The following ABTB2 variants were observed in gnomAD, a reference collection of about 807,000 sequenced individuals.
ABTB2 encodes ankyrin repeat and BTB/POZ domain-containing protein 2.
Under a neutral mutation model 104.1 loss-of-function variants are expected in ABTB2, and 56 were observed. The ratio of observed to expected loss-of-function variants is 0.54; its 90% CI spans 0.43 to 0.67. The LOEUF is 0.67. ABTB2 is among the 30% of genes least tolerant of loss of function. ABTB2 has a pLI of 0.00. For missense variants in ABTB2, 1,279 were observed against 1,407.7 expected, an observed-to-expected ratio of 0.91 and a Z score of 1.46; for synonymous variants, 606 against 608.2, an observed-to-expected ratio of 1.00 and a Z score of 0.05.
intron 4 of ABTB2, 30 bp downstream of exon 4, chr11:34,173,125 C>T: frequency 6.2e-7 from 1 of 1,612,738 alleles, no homozygotes; most frequent in Non-Finnish European, 8.5e-7. Flanking sequence ...GTCATGGATG[C>T]CGGGGCCCTC....
chr11:34,198,456 A>C (rs1388268269), intron 2 of ABTB2, among the ~76,000 whole-genome samples: 2 of 142,074 alleles, frequency 1.4e-5, no homozygotes, highest in African/African-American at 2.7e-5. Context: ...AACAACAACA[A>C]AAAAAAACAA....
chr11:34,318,660 G>A (rs553608629), intron 1 of ABTB2, among the ~76,000 whole-genome samples: 1 of 152,252 alleles, frequency 6.6e-6, no homozygotes, highest in Non-Finnish European at 1.5e-5. Flanking sequence ...GAAAGAAGGT[G>A]GTTTTACTAG....
intron 1 of ABTB2, among the ~76,000 whole-genome samples, chr11:34,209,354 T>A (rs1435754338): frequency 6.9e-6 from 1 of 144,224 alleles, no homozygotes; most frequent in East Asian, 2.0e-4. Context: ...AAAAAAAACT[T>A]TTTTTTTCCC....
At chr11:34,306,269 A>T (rs1252897463) in intron 1 of ABTB2, among the ~76,000 whole-genome samples, 4 of 84,842 alleles carry the variant, frequency 4.7e-5, no homozygotes, top group Non-Finnish European at 8.2e-5. Context: ...TTTTTTTGAG[A>T]CGGAGTCTTC....
At chr11:34,158,641 C>T (rs1019044282) in intron 14 of ABTB2, among the ~76,000 whole-genome samples, 1 of 152,150 alleles carries the variant, frequency 6.6e-6, no homozygotes, top group Admixed American at 6.5e-5. Context: ...TAGAAAGCTC[C>T]TCTCAGTGGG....
At chr11:34,267,743 C>T (rs1854267941) in intron 1 of ABTB2, among the ~76,000 whole-genome samples, 1 of 152,128 alleles carries the variant, frequency 6.6e-6, no homozygotes, top group Non-Finnish European at 1.5e-5. Flanking sequence ...TGTTCTTATG[C>T]TTTCCAGGAG....
intron 1 of ABTB2, among the ~76,000 whole-genome samples, chr11:34,322,130 G>A (rs1378321930): frequency 2.0e-5 from 3 of 152,176 alleles, no homozygotes; most frequent in African/African-American, 7.2e-5. Context: ...TGGCCAGAAA[G>A]GCACGCAAAA....
At chr11:34,342,223 G>T (rs1216585921) in intron 1 of ABTB2, among the ~76,000 whole-genome samples, 1 of 152,186 alleles carries the variant, frequency 6.6e-6, no homozygotes, top group African/African-American at 2.4e-5. Flanking sequence ...GCTTCATACG[G>T]TATTATCTTT....
Position 34,165,314 on chromosome 11 carries a change from T to G in ABTB2, c.1798A>C (p.Asn600His). The change falls in exon 8 of 17, where the codon AAC becomes CAC. Residue 600 changes from asparagine (N) to histidine (H), a missense_variant. Asn to His is a moderately conservative substitution (Grantham distance 68). Coordinates refer to ENST00000435224, the MANE Select transcript of ABTB2 (RefSeq NM_145804.3). ...TCCGCATAGCTGTCCTCGCCGCCGTTCACTGCCGAGCCCTCGACATGGGCA... is the reference window on the plus strand; with the variant it reads ...TCCGCATAGCTGTCCTCGCCGCCGTGCACTGCCGAGCCCTCGACATGGGCA... ...AGAHVEGSAV[N>H]GGEDSYAETP... is the part of the protein sequence containing the mutation. 6.3e-7 allele frequency: 1 copy of G among 1,582,786 alleles called. No homozygotes were observed.
chr11:34,284,284 C>T (rs1212468555), intron 1 of ABTB2, among the ~76,000 whole-genome samples: 1 of 152,348 alleles, frequency 6.6e-6, no homozygotes, highest in East Asian at 1.9e-4. Context: ...CCTTTAGCTT[C>T]TCAGGCCACT....
At chr11:34,345,052 C>T (rs1272336064) in intron 1 of ABTB2, among the ~76,000 whole-genome samples, 1 of 152,226 alleles carries the variant, frequency 6.6e-6, no homozygotes, top group Non-Finnish European at 1.5e-5. Flanking sequence ...CAATTTCCAA[C>T]ACAATAGAGA....
Position 34,152,500 on chromosome 11 carries a change from G to A in ABTB2, c.2965C>T (p.Arg989Trp), listed in dbSNP as rs199813409. ...CTGCTGCGGCCGTAGATGAGCTGCC[G>A]GAAGGCATCCTGCTCCAGTAGGGCC... is the stretch of plus-strand genomic sequence containing the variant. The part of the protein sequence containing the change: ...MKALLEQDAF[R>W]QLIYGRSSKV... Residue 989 changes from arginine to tryptophan, a missense_variant, in exon 17 of 17, where the codon CGG (arginine) becomes TGG (tryptophan). Coordinates refer to ENST00000435224, the MANE Select transcript of ABTB2 (RefSeq NM_145804.3). 187 of 1,610,008 alleles carry A rather than the reference G, an allele frequency of 1.2e-4. No homozygotes were observed. Among genetic ancestry groups the A allele is most frequent in the South Asian group, 2.8e-4 (25 of 90,106 alleles).
intron 1 of ABTB2, among the ~76,000 whole-genome samples, chr11:34,260,245 C>T (rs1212612804): frequency 6.6e-6 from 1 of 152,160 alleles, no homozygotes; most frequent in Non-Finnish European, 1.5e-5. Flanking sequence ...CCATGAAATC[C>T]CCAAGGGCCC....
intron 1 of ABTB2, among the ~76,000 whole-genome samples, chr11:34,286,766 G>A (rs2133090258): frequency 6.6e-6 from 1 of 152,242 alleles, no homozygotes; most frequent in East Asian, 1.9e-4. Context: ...AAGCCTTTTA[G>A]CTAGGACTCT....
At chr11:34,345,540 C>T (rs547704690) in intron 1 of ABTB2, among the ~76,000 whole-genome samples, 22 of 152,270 alleles carry the variant, frequency 1.4e-4, no homozygotes, top group African/African-American at 3.8e-4. Flanking sequence ...TCCCCACCCC[C>T]GCCATCATCA....
intron 1 of ABTB2, among the ~76,000 whole-genome samples, chr11:34,300,003 C>T (rs1474966404): frequency 6.6e-6 from 1 of 152,178 alleles, no homozygotes. Flanking sequence ...TAGCACAGTG[C>T]CTGGCACAGA....
intron 1 of ABTB2, among the ~76,000 whole-genome samples, chr11:34,277,101 C>A (rs968539827): frequency 2.6e-5 from 4 of 152,138 alleles, no homozygotes; most frequent in African/African-American, 9.7e-5. Context: ...AGGGTTTCAC[C>A]ATGTTGGCCA....
At chr11:34,265,352 C>G (rs144091661) in intron 1 of ABTB2, among the ~76,000 whole-genome samples, 2 of 152,320 alleles carry the variant, frequency 1.3e-5, no homozygotes, top group East Asian at 3.9e-4. Context: ...AGCCCAAGAG[C>G]TGATGCTCTT....
At chr11:34,167,391 C>T (rs1340452696) in intron 6 of ABTB2, 31 bp from the exon 7 acceptor site, 1 of 1,589,556 alleles carries the variant, frequency 6.3e-7, no homozygotes, top group Non-Finnish European at 8.6e-7. Context: ...TCTGTGTTTT[C>T]TGGGCACCCG....
Sources: gnomAD v4.1 joint callset for allele counts (sites outside exome capture counted in the v4.1 genomes callset) on GRCh38, gnomAD v4.1.1 for gene constraint, MANE v1.5 for transcripts, NCBI Gene and HGNC (gene_info 2026-07-23, HGNC 2026-07-21) for gene names.